LMO4: variants seen among roughly 807,000 people sequenced by gnomAD.
LMO4 encodes the protein LIM domain transcription factor LMO4.
Under a neutral mutation model 18.5 loss-of-function variants are expected in LMO4, and 3 were observed. The ratio of observed to expected loss-of-function variants is 0.16; its 90% CI spans 0.07 to 0.42. LMO4 has a LOEUF of 0.42. Ranked by LOEUF, LMO4 falls within the 10% of genes least tolerant of loss-of-function variation. LMO4 has a pLI of 0.99. For missense variants in LMO4, 121 were observed against 219.9 expected (o/e 0.55, Z 2.84); for synonymous variants, 100 against 88.1 (o/e 1.14, Z -0.76).
Position 87,347,544 on chromosome 1 carries a change from T to C in LMO4, c.*2748T>C, listed in dbSNP as rs1243048606. On this transcript the variant is annotated 3_prime_UTR_variant, in exon 5 of 5. Coordinates refer to ENST00000370544, the MANE Select transcript of LMO4 (RefSeq NM_006769.4). ...AGTTAGCAAGATGGACACTGTTCTT[T>C]AGAAAGGACTTATTTAATATTAACC... 2.6e-5 allele frequency: 4 copies of C among 152,320 alleles called. No homozygotes were observed. In the East Asian group the frequency reaches 5.8e-4, roughly 22 times the overall value. The allele number at this position is 152,320 out of a possible 1,614,324, so 9.4% of individuals were successfully genotyped here.
In LMO4 at chr1:87,344,903, C is replaced by T. The variant is rs1650586197; in HGVS notation, c.*107C>T. On this transcript the variant is annotated 3_prime_UTR_variant, in exon 5 of 5. Coordinates refer to ENST00000370544, the MANE Select transcript of LMO4 (RefSeq NM_006769.4). Reference sequence around the variant, plus strand: ...GTCACCTTTGTAGCTAGCACCAGTGCCAGCTCCATGCCATTGCACCTTCTT... The same window carrying T: ...GTCACCTTTGTAGCTAGCACCAGTGTCAGCTCCATGCCATTGCACCTTCTT... The T allele has an allele frequency of 9.3e-7, 1 of 1,075,854 alleles. No homozygotes were observed. Among genetic ancestry groups the T allele is most frequent in the Non-Finnish European group, 1.4e-6 (1 of 696,804 alleles). 66.6% of individuals were successfully genotyped at this position (1,075,854 alleles called of 1,614,324 possible). A position where few individuals can be genotyped will look rare whatever the true frequency, so the allele number is the denominator to read the frequency against.
rs1409933617 is a variant in LMO4, at chr1:87,346,560, A to G, written c.*1764A>G. On this transcript the variant is annotated 3_prime_UTR_variant, in exon 5 of 5. Transcript: ENST00000370544. ...TCCCTCTGAGAATAGCCGTGGAGCC[A>G]TGTAGAGAGGTGTAGCTCAGCACAT... 1 of 152,194 alleles carries G rather than the reference A, an allele frequency of 6.6e-6. No homozygotes were observed. Among genetic ancestry groups the G allele is most frequent in the Non-Finnish European group, 1.5e-5 (1 of 68,034 alleles). 9.4% of individuals were successfully genotyped at this position (152,194 alleles called of 1,614,324 possible).
chr1:87,336,829 A>G (rs1650328705), intron 2 of LMO4, among the ~76,000 whole-genome samples: 1 of 152,172 alleles, frequency 6.6e-6, no homozygotes, highest in African/African-American at 2.4e-5. Context: ...GCTTGAGTTA[A>G]AGAGAAAAGA....
rs769512210 is a variant in LMO4 at position 87,348,632 on chromosome 1, G to C, written c.*3836G>C. The C allele has an allele frequency of 2.2e-6, 1 of 462,142 alleles. No homozygotes were observed. Among genetic ancestry groups the C allele is most frequent in the Non-Finnish European group, 4.4e-6 (1 of 229,628 alleles). The allele number at this position is 462,142 out of a possible 1,614,324, so 28.6% of individuals were successfully genotyped here. On this transcript the variant is annotated 3_prime_UTR_variant, in exon 5 of 5. Coordinates refer to ENST00000370544, the MANE Select transcript of LMO4 (RefSeq NM_006769.4). ...GCATTTGTAGCCCTCTGCTCCCATC[G>C]TGAACATGCTGAGAGCAATGACAAG...
At position 87,347,345 on chromosome 1, in the gene LMO4, C is replaced by T. The variant is rs191576035; in HGVS notation, c.*2549C>T. 173 of 152,256 alleles carry T rather than the reference C, an allele frequency of 1.1e-3. No homozygotes were observed. Among genetic ancestry groups the T allele is most frequent in the African/African-American group, 3.7e-3 (155 of 41,540 alleles). 9.4% of individuals were successfully genotyped at this position (152,256 alleles called of 1,614,324 possible). On this transcript the variant is annotated 3_prime_UTR_variant, in exon 5 of 5. Transcript: ENST00000370544. Reference sequence around the variant, plus strand: ...ACCAGAGGCATTTCAAACAATAAAACCCGGCTCTAATGGGGATGCTCTGTG... The same window carrying T: ...ACCAGAGGCATTTCAAACAATAAAATCCGGCTCTAATGGGGATGCTCTGTG...
chr1:87,344,380 C>T (rs1436477811), intron 4 of LMO4, among the ~76,000 whole-genome samples: 2 of 152,148 alleles, frequency 1.3e-5, no homozygotes, highest in African/African-American at 2.4e-5. Context: ...AAAGGTTACA[C>T]GGTTAAGCAT....
intron 2 of LMO4, among the ~76,000 whole-genome samples, chr1:87,332,539 G>C (rs1650187488): frequency 6.6e-6 from 1 of 152,238 alleles, no homozygotes; most frequent in South Asian, 2.1e-4. Flanking sequence ...TAAGTAAGTG[G>C]TCAGCCTCTA....
chr1:87,335,494 G>C (rs898331271), intron 2 of LMO4, among the ~76,000 whole-genome samples: 1 of 151,956 alleles, frequency 6.6e-6, no homozygotes, highest in Non-Finnish European at 1.5e-5. Flanking sequence ...GGGCGAGCGG[G>C]TCGCGCTTTC....
chr1:87,331,459 C>T (rs1208371339), intron 1 of LMO4: 3 of 152,900 alleles, frequency 2.0e-5, no homozygotes, highest in East Asian at 1.9e-4. Context: ...GAACTATTTC[C>T]AACTTGTGAA....
chr1:87,329,736 G>A (rs187788297), intron 1 of LMO4, among the ~76,000 whole-genome samples: 210 of 152,282 alleles, frequency 1.4e-3, no homozygotes, highest in Middle Eastern at 6.8e-3. Context: ...TGGCTTATAA[G>A]TCTTTTGTTC....
intron 2 of LMO4, among the ~76,000 whole-genome samples, chr1:87,337,153 A>G (rs72945945): frequency 0.085 from 12,964 of 152,254 alleles, 767 homozygotes; most frequent in East Asian, 0.19. Flanking sequence ...ACGTTGTTCA[A>G]TAGCACATCA....
At chr1:87,343,197 G>A (rs1432000362) in intron 4 of LMO4, among the ~76,000 whole-genome samples, 1 of 152,132 alleles carries the variant, frequency 6.6e-6, no homozygotes, top group East Asian at 1.9e-4. Context: ...TCTGAGATTT[G>A]TTCCCAGGGT....
At chr1:87,332,680 A>T (rs867062873) in intron 2 of LMO4, among the ~76,000 whole-genome samples, 5 of 152,222 alleles carry the variant, frequency 3.3e-5, no homozygotes, top group Admixed American at 6.5e-5. Context: ...GTGAGAAATG[A>T]TTTGTCTATG....
intron 2 of LMO4, among the ~76,000 whole-genome samples, chr1:87,337,736 A>G (rs1650352956): frequency 6.6e-6 from 1 of 152,206 alleles, no homozygotes; most frequent in Non-Finnish European, 1.5e-5. Context: ...GGCCATGCCC[A>G]TTCTCTGGCT....
At chr1:87,334,463 C>T (rs937049627) in intron 2 of LMO4, among the ~76,000 whole-genome samples, 7 of 152,132 alleles carry the variant, frequency 4.6e-5, no homozygotes, top group African/African-American at 7.2e-5. Context: ...TCTCAGCTAC[C>T]CCCTCTCCAA....
chr1:87,345,617 T>C lies in LMO4; in HGVS notation c.*821T>C, dbSNP rs770718019. 6 of 152,234 alleles carry C rather than the reference T, an allele frequency of 3.9e-5. No homozygotes were observed. Among genetic ancestry groups the C allele is most frequent in the Non-Finnish European group, 7.3e-5 (5 of 68,040 alleles). 9.4% of individuals were successfully genotyped at this position (152,234 alleles called of 1,614,324 possible). ...TTGGGTTTAAACACTGCTTTTTCTC[T>C]TCTGTATTTTGAAGAAATTTAGTTT... On this transcript the variant is annotated 3_prime_UTR_variant, in exon 5 of 5. Coordinates refer to ENST00000370544, the MANE Select transcript of LMO4 (RefSeq NM_006769.4).
intron 2 of LMO4, among the ~76,000 whole-genome samples, chr1:87,338,640 CA>C (rs1650382563): frequency 6.6e-6 from 1 of 152,170 alleles, no homozygotes; most frequent in South Asian, 2.1e-4. Context: ...TTCTTCAGTA[CA>C]CCACAATTCC....
chr1:87,330,003 T>G (rs1037785166), intron 1 of LMO4, among the ~76,000 whole-genome samples: 4 of 146,784 alleles, frequency 2.7e-5, no homozygotes, highest in South Asian at 2.1e-4. Flanking sequence ...TTAAAAGCTT[T>G]CTTTTTTTTT....
chr1:87,337,108 G>T (rs533327525), intron 2 of LMO4, among the ~76,000 whole-genome samples: 1 of 152,206 alleles, frequency 6.6e-6, no homozygotes, highest in Non-Finnish European at 1.5e-5. Context: ...CAGCCTTAAA[G>T]CTGTAGGCAT....
Sources: gnomAD v4.1 joint callset for allele counts (sites outside exome capture counted in the v4.1 genomes callset) on GRCh38, gnomAD v4.1.1 for gene constraint, MANE v1.5 for transcripts, NCBI Gene and HGNC (gene_info 2026-07-23, HGNC 2026-07-21) for gene names.